FREM2: variants seen among roughly 807,000 people sequenced by gnomAD.
FREM2 encodes the protein FRAS1 related extracellular matrix 2, also known as FRAS1-related extracellular matrix protein 2.
A neutral mutation model predicts 219.9 loss-of-function variants in FREM2; 119 were observed. That is an observed-to-expected ratio of 0.54 (90% CI 0.47 to 0.63). The LOEUF (loss-of-function observed/expected upper bound fraction) is 0.63, where lower values mean the gene tolerates loss of function less well. FREM2 is among the 30% of genes least tolerant of loss of function. The pLI is 0.00. For missense variants in FREM2, 4,030 were observed against 3,993.6 expected (o/e 1.01, Z -0.25); for synonymous variants, 1,562 against 1,522.8 (o/e 1.03, Z -0.60).
chr13:38,853,984 A>T (rs1877468400), intron 11 of FREM2, among the ~76,000 whole-genome samples: 1 of 152,084 alleles, frequency 6.6e-6, no homozygotes, highest in Non-Finnish European at 1.5e-5. Context: ...ACATTAAATA[A>T]ACCTGTTGGT....
At chr13:38,811,379 A>G (rs1486305355) in intron 6 of FREM2, among the ~76,000 whole-genome samples, 4 of 152,028 alleles carry the variant, frequency 2.6e-5, no homozygotes, top group African/African-American at 7.2e-5. Flanking sequence ...TAGTTATTGA[A>G]CATGAATTAT....
intron 16 of FREM2, among the ~76,000 whole-genome samples, chr13:38,865,754 A>G (rs540793578): frequency 3.9e-5 from 6 of 152,350 alleles, no homozygotes; most frequent in African/African-American, 7.2e-5. Context: ...AAAAATGCCA[A>G]TAGAAATAGC....
chr13:38,758,930 G>A (rs754345942), intron 2 of FREM2, among the ~76,000 whole-genome samples: 4 of 152,150 alleles, frequency 2.6e-5, no homozygotes, highest in Non-Finnish European at 5.9e-5. Context: ...CTACTCAGGG[G>A]CCTGAGGTGG....
intron 2 of FREM2, among the ~76,000 whole-genome samples, chr13:38,714,699 G>A (rs1183853552): frequency 2.0e-5 from 3 of 151,924 alleles, no homozygotes; most frequent in East Asian, 1.9e-4. Flanking sequence ...TACACATTTG[G>A]TCATTTCACA....
intron 1 of FREM2, among the ~76,000 whole-genome samples, chr13:38,695,145 A>G (rs937329952): frequency 6.6e-6 from 1 of 152,172 alleles, no homozygotes; most frequent in Non-Finnish European, 1.5e-5. Flanking sequence ...TATTTCTACT[A>G]CTTTTGTGTC....
In FREM2 at chr13:38,848,385, A is replaced by G. The variant is rs1037504095; in HGVS notation, c.6170-76A>G. On this transcript the variant is annotated intron_variant, in intron 7 of 23. Coordinates refer to ENST00000280481, the MANE Select transcript of FREM2 (RefSeq NM_207361.6). The stretch of plus-strand genomic sequence containing the variant: ...TTTTAAAAGAAGAATTATAAACACA[A>G]TTACATAATTTATGTCTTATAATTT... 41 of 1,015,332 alleles carry G rather than the reference A, an allele frequency of 4.0e-5. No individual in the cohort carries two copies. The African/African-American group carries it at 5.0e-4, about 12-fold the overall frequency. The allele number at this position is 1,015,332 out of a possible 1,614,324, so 62.9% of individuals were successfully genotyped here. A position where few individuals can be genotyped will look rare whatever the true frequency, so the allele number is the denominator to read the frequency against.
intron 2 of FREM2, among the ~76,000 whole-genome samples, chr13:38,740,348 G>T (rs1872193312): frequency 2.0e-5 from 3 of 152,170 alleles, no homozygotes; most frequent in Admixed American, 1.3e-4. Flanking sequence ...GAAAAAATAA[G>T]AAAGTGATAG....
rs779482351 is a variant in FREM2 at position 38,688,154 on chromosome 13, C to A, written c.810C>A (p.Ala270=). 6.2e-7 allele frequency: 1 copy of A among 1,613,524 alleles called. No individual in the cohort carries two copies. The highest frequency in any genetic ancestry group is 1.7e-5 in the Admixed American group (1 of 60,026). ...TAGGCGTGCGCTATCGCCACACAGC[C>A]GCCAGTCGCTCACCAAACAGGGACT... ...QELGVRYRHT[A]ASRSPNRDWI... Residue 270 remains alanine, a synonymous_variant, in exon 1 of 24, where the codon GCC becomes GCA. Coordinates refer to ENST00000280481, the MANE Select transcript of FREM2 (RefSeq NM_207361.6).
chr13:38,707,832 A>G (rs753079103), intron 2 of FREM2, among the ~76,000 whole-genome samples: 10 of 152,218 alleles, frequency 6.6e-5, no homozygotes, highest in Non-Finnish European at 1.5e-4. Context: ...AATTAAGTGC[A>G]TTGCATCACT....
intron 6 of FREM2, among the ~76,000 whole-genome samples, chr13:38,795,783 A>G (rs1874747440): frequency 6.6e-6 from 1 of 152,160 alleles, no homozygotes; most frequent in East Asian, 1.9e-4. Context: ...CTATCATTCT[A>G]TTCTCTGTCT....
rs117598299 is a variant in FREM2 at position 38,752,808 on chromosome 13, A to C, written c.5264-11496A>C. 4.8e-3 allele frequency among the ~76,000 whole-genome samples: 733 copies of C among 152,304 alleles called. 17 individuals carry two copies. Among genetic ancestry groups the C allele is most frequent in the East Asian group, 0.046 (237 of 5,182 alleles). On this transcript the variant is annotated intron_variant, in intron 2 of 23. Transcript: ENST00000280481. ...AGGAATTAGAAAACAGCCTCACTTC[A>C]CAGAGAATTAACTAAATGGTGCTAA... is the stretch of plus-strand genomic sequence containing the variant.
chr13:38,801,862 T>C (rs1875023093), intron 6 of FREM2, among the ~76,000 whole-genome samples: 1 of 152,078 alleles, frequency 6.6e-6, no homozygotes, highest in Admixed American at 6.5e-5. Context: ...AGGCCAGGAA[T>C]GTGGGAGGGT....
rs1467400608 is a variant in FREM2, at chr13:38,851,740, C to G, written c.6797C>G (p.Pro2266Arg). ...TKFSVTEPKE[P>R]GESVVIRIPV... is the part of the protein sequence containing the mutation. The stretch of plus-strand genomic sequence containing the variant: ...TTTAGTGTCACTGAACCCAAAGAAC[C>G]TGGAGAGTCGGTGGTTATAAGAATT... The change falls in exon 11 of 24, where the codon CCT (proline) becomes CGT (arginine). Residue 2266 changes from proline (P) to arginine (R), a missense_variant. Physicochemically the swap from Pro to Arg is moderately radical, Grantham distance 103. Transcript: ENST00000280481. 1.2e-6 allele frequency: 2 copies of G among 1,613,532 alleles called. No homozygotes were observed. The highest frequency in any genetic ancestry group is 3.3e-5 in the Admixed American group (2 of 59,998).
At chr13:38,776,208 A>G (rs967139428) in intron 4 of FREM2, among the ~76,000 whole-genome samples, 26 of 152,208 alleles carry the variant, frequency 1.7e-4, no homozygotes, top group Admixed American at 2.0e-4. Context: ...TGAGGGCACC[A>G]TAGTGGCCTG....
chr13:38,848,702 G>A (rs1161953282), intron 8 of FREM2, 32 bp downstream of exon 8: 1 of 1,519,962 alleles, frequency 6.6e-7, no homozygotes, highest in Non-Finnish European at 9.1e-7. Context: ...AATTTACAAT[G>A]ATAATTGAAA....
chr13:38,690,917 A>G lies in FREM2; in HGVS notation c.3573A>G (p.Pro1191=), dbSNP rs769641072. ...IVIIPTNDEQ[P]EMFMREFMVM... ...TCATTCCCACCAATGATGAACAGCC[A>G]GAGATGTTTATGAGAGAATTTATGG... Residue 1191 remains proline, a synonymous_variant, in exon 1 of 24, where the codon CCA becomes CCG. Coordinates refer to ENST00000280481, the MANE Select transcript of FREM2 (RefSeq NM_207361.6). 1.9e-6 allele frequency: 3 copies of G among 1,613,240 alleles called. No homozygotes were observed. The highest frequency in any genetic ancestry group is 1.1e-5 in the South Asian group (1 of 91,030).
Position 38,690,339 on chromosome 13 carries a change from A to C in FREM2, c.2995A>C (p.Ile999Leu). ...PLYGEILVNG[I>L]PAEQFTQRDI... ...GTATGGGGAAATCTTGGTCAATGGC[A>C]TTCCAGCAGAGCAGTTTACTCAAAG... The change falls in exon 1 of 24, where the codon ATT (isoleucine) becomes CTT (leucine). Residue 999 changes from isoleucine (I) to leucine (L), a missense_variant. Coordinates refer to ENST00000280481, the MANE Select transcript of FREM2 (RefSeq NM_207361.6). The C allele has an allele frequency of 6.2e-7, 1 of 1,614,228 alleles. No homozygotes were observed. The highest frequency in any genetic ancestry group is 1.1e-5 in the South Asian group (1 of 91,084).
intron 2 of FREM2, among the ~76,000 whole-genome samples, chr13:38,743,150 C>CAA (rs2137783052): frequency 6.6e-6 from 1 of 152,198 alleles, no homozygotes. Context: ...GGTCTCCTGG[C>CAA]ATCCAAATAT....
In FREM2 at chr13:38,850,339, T is replaced by G. The variant is rs985331358; in HGVS notation, c.6577+104T>G. 48 of 913,272 alleles carry G rather than the reference T, an allele frequency of 5.3e-5. No individual in the cohort carries two copies. In the African/African-American group the frequency reaches 7.7e-4, roughly 15 times the overall value. 56.6% of individuals were successfully genotyped at this position (913,272 alleles called of 1,614,324 possible). A position where few individuals can be genotyped will look rare whatever the true frequency, so the allele number is the denominator to read the frequency against. ...AAGTTCCTCGATATCAACAAGCATA[T>G]GGCATGGTTTTATGTGCAATAAATG... is the stretch of plus-strand genomic sequence containing the variant. On this transcript the variant is annotated intron_variant, in intron 9 of 23. Transcript: ENST00000280481.
Sources: allele counts gnomAD v4.1 joint callset (sites outside exome capture counted in the v4.1 genomes callset), GRCh38; gene constraint gnomAD v4.1.1; transcripts MANE v1.5; gene names NCBI Gene and HGNC (gene_info 2026-07-23, HGNC 2026-07-21).